Variants in UFD1 observed in about 807,000 individuals in gnomAD.
The protein encoded by UFD1 is ubiquitin recognition factor in ER associated degradation 1, also known as ubiquitin recognition factor in ER-associated degradation protein 1.
A neutral mutation model predicts 45.9 loss-of-function variants in UFD1; 13 were observed. The observed-to-expected ratio is 0.28, with a 90% CI of 0.18 to 0.45. The LOEUF (loss-of-function observed/expected upper bound fraction) is 0.45, where lower values mean the gene tolerates loss of function less well. Among genes scored for constraint, UFD1 ranks in the 20% least tolerant of loss-of-function variants. UFD1 has a pLI of 1.00. For synonymous variants in UFD1, 128 were observed against 139.2 expected, an observed-to-expected ratio of 0.92 and a Z score of 0.56; for missense variants, 218 against 389.2, an observed-to-expected ratio of 0.56 and a Z score of 3.70.
chr22:19,460,810 AG>A (rs1002387870), intron 6 of UFD1, among the ~76,000 whole-genome samples: 49 of 141,682 alleles, frequency 3.5e-4, no homozygotes, highest in African/African-American at 1.2e-3. Flanking sequence ...CCCAGGCTGG[AG>A]TGCAGTGCCT....
chr22:19,467,706 G>T, intron 5 of UFD1, 167 bp downstream of exon 5: 1 of 1,261,934 alleles, frequency 7.9e-7, no homozygotes. Flanking sequence ...CACTTGGCCA[G>T]GGCCACGCAG....
chr22:19,451,125 A>C, intron 11 of UFD1: 3 of 892,116 alleles, frequency 3.4e-6, no homozygotes, highest in Non-Finnish European at 4.0e-6. Context: ...TGCCTCAAAA[A>C]AAAAAAAAAA....
chr22:19,451,935 ATTCT>A (rs2089686067), intron 11 of UFD1: 1 of 985,168 alleles, frequency 1.0e-6, no homozygotes, highest in Non-Finnish European at 1.2e-6. Context: ...TATTTCCTGG[ATTCT>A]ATGACTTTCT....
intron 10 of UFD1, among the ~76,000 whole-genome samples, chr22:19,455,241 G>A (rs982366782): frequency 2.6e-5 from 4 of 152,128 alleles, no homozygotes; most frequent in African/African-American, 7.2e-5. Context: ...GTGGGTCCCC[G>A]GACCCAGCAA....
intron 9 of UFD1, 29 bp from the exon 10 acceptor site, chr22:19,455,797 TAAGCCC>T (rs774362971): frequency 8.1e-6 from 13 of 1,604,202 alleles, no homozygotes; most frequent in Non-Finnish European, 1.1e-5. Flanking sequence ...AGTCATATAA[TAAGCCC>T]AAGTGTGAGG....
intron 3 of UFD1, 77 bp downstream of exon 3, chr22:19,474,991 T>A (rs931375247): frequency 4.3e-6 from 6 of 1,393,922 alleles, no homozygotes; most frequent in Middle Eastern, 2.5e-4. Context: ...TGTCTGGATG[T>A]ACTGAGGAGC....
intron 4 of UFD1, chr22:19,471,398 T>A: frequency 1.5e-6 from 1 of 672,002 alleles, no homozygotes; most frequent in Non-Finnish European, 2.8e-6. Flanking sequence ...CCATTATTTT[T>A]AAAAACGCCT....
rs531884908 is a variant in UFD1 at position 19,455,994 on chromosome 22, A to C, written c.679-226T>G. Among the ~76,000 whole-genome samples the C allele has an allele frequency of 5.3e-5, 8 of 152,322 alleles. No individual in the cohort carries two copies. In the East Asian group the frequency reaches 1.5e-3, roughly 29 times the overall value. Reference sequence around the variant, plus strand: ...AGCCACTTGGCCAAGGGCAGCCAGCAGTCAGTGTTGGGTTAAAAGACCTGA... The same window carrying C: ...AGCCACTTGGCCAAGGGCAGCCAGCCGTCAGTGTTGGGTTAAAAGACCTGA... On this transcript the variant is annotated intron_variant, in intron 9 of 11. Transcript: ENST00000263202.
chr22:19,452,287 T>C (rs894103816), intron 11 of UFD1: 1 of 152,220 alleles, frequency 6.6e-6, no homozygotes, highest in South Asian at 2.1e-4. Context: ...AAATTTCCTC[T>C]TCTTAAAAGG....
At chr22:19,470,737 T>C in intron 4 of UFD1, 2 of 456,064 alleles carry the variant, frequency 4.4e-6, no homozygotes, top group Non-Finnish European at 8.8e-6. Context: ...CCACCGTACC[T>C]GGCCAGAATT....
intron 2 of UFD1, 104 bp downstream of exon 2, chr22:19,475,366 C>A: frequency 6.6e-7 from 1 of 1,508,886 alleles, no homozygotes; most frequent in South Asian, 1.3e-5. Context: ...TTCACAGTAA[C>A]ACTAGCTTCT....
chr22:19,470,901 C>T (rs1055149555), intron 4 of UFD1: 3 of 449,628 alleles, frequency 6.7e-6, no homozygotes, highest in Non-Finnish European at 1.3e-5. Context: ...AGTTTCCAGC[C>T]CACAGCTCAC....
At chr22:19,454,148 G>A (rs1272924141) in intron 11 of UFD1, 1 of 986,104 alleles carries the variant, frequency 1.0e-6, no homozygotes, top group South Asian at 4.7e-5. Flanking sequence ...TGATAACAGA[G>A]CCTGGAGTCG....
rs1489083860 is a variant in UFD1 at position 19,450,006 on chromosome 22, CAT to C, written c.*662_*663del. ...TAGCATTTGTTCATTCTAACATTCA[CAT>C]GTTTGCTTCTCCATGGAGTTGTTTC... is the stretch of plus-strand genomic sequence containing the variant. On this transcript the variant is annotated 3_prime_UTR_variant, in exon 12 of 12. Transcript: ENST00000263202. 3 of 152,160 alleles carry C rather than the reference CAT, an allele frequency of 2.0e-5. No individual in the cohort carries two copies. The highest frequency in any genetic ancestry group is 4.4e-5 in the Non-Finnish European group (3 of 68,044). 9.4% of individuals were successfully genotyped at this position (152,160 alleles called of 1,614,324 possible).
intron 3 of UFD1, among the ~76,000 whole-genome samples, chr22:19,474,254 G>A (rs531001652): frequency 1.3e-5 from 2 of 152,206 alleles, no homozygotes; most frequent in East Asian, 1.9e-4. Context: ...GATTAGAAAC[G>A]GGGGTCTGGG....
At chr22:19,462,627 G>A (rs1404618704) in intron 6 of UFD1, among the ~76,000 whole-genome samples, 4 of 151,928 alleles carry the variant, frequency 2.6e-5, no homozygotes, top group African/African-American at 7.3e-5. Flanking sequence ...CCAAGATCGC[G>A]CCACTGCACT....
intron 3 of UFD1, among the ~76,000 whole-genome samples, chr22:19,473,697 G>A (rs569891204): frequency 1.3e-5 from 2 of 152,302 alleles, no homozygotes; most frequent in South Asian, 2.1e-4. Context: ...GGTTGGAATC[G>A]GATAGCTTAG....
intron 6 of UFD1, among the ~76,000 whole-genome samples, chr22:19,459,925 G>A (rs924314308): frequency 6.6e-6 from 1 of 151,774 alleles, no homozygotes; most frequent in Non-Finnish European, 1.5e-5. Flanking sequence ...TTTTAGTAGA[G>A]ATGGTGTTTC....
chr22:19,452,427 A>C (rs1318694153), intron 11 of UFD1: 2 of 152,234 alleles, frequency 1.3e-5, no homozygotes, highest in Admixed American at 6.5e-5. Context: ...AATCCAGCTC[A>C]TAAGAGTTGG....
Sources: gnomAD v4.1 joint callset for allele counts (sites outside exome capture counted in the v4.1 genomes callset) on GRCh38, gnomAD v4.1.1 for gene constraint, MANE v1.5 for transcripts, NCBI Gene and HGNC (gene_info 2026-07-23, HGNC 2026-07-21) for gene names.